Variants in RPIA observed in about 807,000 individuals in gnomAD.
RPIA encodes ribose-5-phosphate isomerase.
Under a neutral mutation model 37.8 loss-of-function variants are expected in RPIA, and 29 were observed. The ratio of observed to expected loss-of-function variants is 0.77; its 90% CI spans 0.57 to 1.05. RPIA has a LOEUF of 1.05. Among genes scored for constraint, RPIA ranks in the 50% least tolerant of loss-of-function variants. The pLI, the probability that RPIA is intolerant of heterozygous loss-of-function variation, is 0.00. For synonymous variants in RPIA, 167 were observed against 157.0 expected (o/e 1.06, Z -0.48); for missense variants, 385 against 413.6 (o/e 0.93, Z 0.60).
Position 88,750,014 on chromosome 2 carries a change from C to T in RPIA, c.872C>T (p.Ala291Val). 6.2e-7 allele frequency: 1 copy of T among 1,613,312 alleles called. No homozygotes were observed. Among genetic ancestry groups the T allele is most frequent in the Non-Finnish European group, 8.5e-7 (1 of 1,179,448 alleles). Residue 291 changes from alanine (A) to valine (V), a missense_variant, in exon 9 of 9, where the codon GCT becomes GTT. Around this residue, in one of 2 missense-constraint regions of RPIA, gnomAD observed 153 missense variants for 210.6 expected, o/e 0.73. Coordinates refer to ENST00000283646, the MANE Select transcript of RPIA (RefSeq NM_144563.3). ...GACACAGGCCTATTCATCAACATGG[C>T]TGAGAGAGTCTACTTTGGGATGCAG... ...VVDTGLFINMAERVYFGMQDG... is the reference protein window; with the variant it reads ...VVDTGLFINMVERVYFGMQDG...
rs1259822146 is a variant in RPIA at position 88,750,697 on chromosome 2, A to G, written c.*619A>G. 1 of 399,292 alleles carries G rather than the reference A, an allele frequency of 2.5e-6. No homozygotes were observed. The highest frequency in any genetic ancestry group is 2.1e-5 in the African/African-American group (1 of 48,616). The allele number at this position is 399,292 out of a possible 1,614,324, so 24.7% of individuals were successfully genotyped here. Reference sequence around the variant, plus strand: ...AAAATGTTGTTACACTTTTGCTAAGATCTGGGGGTTTCTTCATATTCCTGC... The same window carrying G: ...AAAATGTTGTTACACTTTTGCTAAGGTCTGGGGGTTTCTTCATATTCCTGC... On this transcript the variant is annotated 3_prime_UTR_variant, in exon 9 of 9. Transcript: ENST00000283646.
rs373108741 is a variant in RPIA, at chr2:88,710,390, G to A, written c.402+10326G>A. Among the ~76,000 whole-genome samples the A allele has an allele frequency of 2.6e-5, 4 of 152,310 alleles. No homozygotes were observed. In the East Asian group the frequency reaches 7.7e-4, roughly 29 times the overall value. Reference sequence around the variant, plus strand: ...AGAATAAGAGGGTTCTGAAGGAGCAGTTGGAGGGGAGGAGGTGAGACAGTG... The same window carrying A: ...AGAATAAGAGGGTTCTGAAGGAGCAATTGGAGGGGAGGAGGTGAGACAGTG... On this transcript the variant is annotated intron_variant, in intron 3 of 8. Coordinates refer to ENST00000283646, the MANE Select transcript of RPIA (RefSeq NM_144563.3).
Position 88,750,831 on chromosome 2 carries a change from A to G in RPIA, c.*753A>G. ...TAATGATTTTCTTTTTGTTATTAAT[A>G]TTTTTCTCTGTTCCTTTGTTATTAC... On this transcript the variant is annotated 3_prime_UTR_variant, in exon 9 of 9. Transcript: ENST00000283646. The G allele has an allele frequency of 2.5e-6, 1 of 398,114 alleles. No individual in the cohort carries two copies. The highest frequency in any genetic ancestry group is 4.4e-6 in the Non-Finnish European group (1 of 225,884). 24.7% of individuals were successfully genotyped at this position (398,114 alleles called of 1,614,324 possible).
intron 7 of RPIA, among the ~76,000 whole-genome samples, chr2:88,737,198 T>C (rs1673325290): frequency 6.6e-6 from 1 of 152,208 alleles, no homozygotes; most frequent in East Asian, 1.9e-4. Flanking sequence ...GCTTCTAAAG[T>C]GGATTGCGCA....
In RPIA at chr2:88,700,731, A is replaced by T. The variant is rs531894316; in HGVS notation, c.402+667A>T. On this transcript the variant is annotated intron_variant, in intron 3 of 8. Transcript: ENST00000283646. The stretch of plus-strand genomic sequence containing the variant: ...GTACATCATAAAATAGTAGGAGCTG[A>T]TGGAGGAAAGCAGTGGAGCCAGTTA... Among the ~76,000 whole-genome samples, 5 of 152,312 alleles carry T rather than the reference A, an allele frequency of 3.3e-5. No individual in the cohort carries two copies. The East Asian group carries it at 9.7e-4, about 29-fold the overall frequency.
At chr2:88,692,803 C>T (rs557136929) in intron 1 of RPIA, among the ~76,000 whole-genome samples, 1 of 152,286 alleles carries the variant, frequency 6.6e-6, no homozygotes, top group East Asian at 1.9e-4. Context: ...ATTAGAGTCT[C>T]TTTTCTTCTC....
At chr2:88,717,833 A>G (rs1673055181) in intron 3 of RPIA, among the ~76,000 whole-genome samples, 1 of 152,180 alleles carries the variant, frequency 6.6e-6, no homozygotes, top group Non-Finnish European at 1.5e-5. Context: ...GTGAAGTCTC[A>G]TGTCCTGTGA....
At chr2:88,707,937 C>G (rs984015765) in intron 3 of RPIA, among the ~76,000 whole-genome samples, 1 of 152,100 alleles carries the variant, frequency 6.6e-6, no homozygotes, top group African/African-American at 2.4e-5. Flanking sequence ...CATGGGCTAT[C>G]GGAACATTGG....
intron 8 of RPIA, among the ~76,000 whole-genome samples, chr2:88,748,195 C>T (rs902481810): frequency 1.3e-5 from 2 of 152,196 alleles, no homozygotes; most frequent in African/African-American, 2.4e-5. Flanking sequence ...CCGCCCCACC[C>T]CTTTTTACAC....
At chr2:88,709,275 A>G (rs1672934559) in intron 3 of RPIA, among the ~76,000 whole-genome samples, 1 of 152,152 alleles carries the variant, frequency 6.6e-6, no homozygotes, top group Non-Finnish European at 1.5e-5. Flanking sequence ...GTGTGCTATG[A>G]CTCTTCTGCA....
At chr2:88,743,932 CTATCGATTT>C (rs1673411073) in intron 8 of RPIA, among the ~76,000 whole-genome samples, 1 of 152,030 alleles carries the variant, frequency 6.6e-6, no homozygotes, top group Non-Finnish European at 1.5e-5. Context: ...CACTAATGGT[CTATCGATTT>C]TATCTTTTCA....
chr2:88,691,978 G>T lies in RPIA; in HGVS notation c.280G>T (p.Val94Leu), dbSNP rs775688063. The T allele has an allele frequency of 2.5e-5, 39 of 1,586,928 alleles. No individual in the cohort carries two copies. The South Asian group carries it at 4.4e-4, about 18-fold the overall frequency. The change falls in exon 1 of 9, where the codon GTG becomes TTG. Residue 94 changes from valine (V) to leucine (L), a missense_variant. Around this residue, in one of 2 missense-constraint regions of RPIA, gnomAD observed 232 missense variants for 203.0 expected, o/e 1.14. Coordinates refer to ENST00000283646, the MANE Select transcript of RPIA (RefSeq NM_144563.3). ...LAGRAAVENH[V>L]RNNQVLGIGS... Reference sequence around the variant, plus strand: ...GGGCCGCGCGGCTGTGGAGAACCACGTGAGGGTGAGCACTTCGAAACGTGG... The same window carrying T: ...GGGCCGCGCGGCTGTGGAGAACCACTTGAGGGTGAGCACTTCGAAACGTGG...
At chr2:88,697,928 A>C (rs1006755846) in intron 1 of RPIA, among the ~76,000 whole-genome samples, 3 of 152,106 alleles carry the variant, frequency 2.0e-5, no homozygotes, top group African/African-American at 7.2e-5. Flanking sequence ...ACCAACTTGA[A>C]GGTGCCTATG....
chr2:88,728,302 G>C (rs1168876479), intron 3 of RPIA, among the ~76,000 whole-genome samples: 1 of 152,104 alleles, frequency 6.6e-6, no homozygotes, highest in Non-Finnish European at 1.5e-5. Flanking sequence ...TTTAGCCTTA[G>C]AGTCTTACGA....
rs376943314 is a variant in RPIA, at chr2:88,736,625, G to A, written c.687G>A (p.Val229=). 6.2e-7 allele frequency: 1 copy of A among 1,614,058 alleles called. No individual in the cohort carries two copies. Among genetic ancestry groups the A allele is most frequent in the Non-Finnish European group, 8.5e-7 (1 of 1,179,958 alleles). ...PMAYVPVSRA[V]SQKFGGVVEL... is the part of the protein sequence containing the mutation. ...CCTATGTCCCAGTGAGCCGAGCTGT[G>A]AGCCAGAAGTTTGGGGGCGTGGTTG... The change falls in exon 7 of 9, where the codon GTG becomes GTA. Residue 229 remains valine (V), a synonymous_variant. Coordinates refer to ENST00000283646, the MANE Select transcript of RPIA (RefSeq NM_144563.3).
chr2:88,709,155 A>C (rs951884228), intron 3 of RPIA, among the ~76,000 whole-genome samples: 1 of 152,244 alleles, frequency 6.6e-6, no homozygotes, highest in African/African-American at 2.4e-5. Context: ...GCCAGATTTT[A>C]CAAATTGAGT....
chr2:88,695,387 T>C (rs938668769), intron 1 of RPIA, among the ~76,000 whole-genome samples: 1 of 152,178 alleles, frequency 6.6e-6, no homozygotes, highest in African/African-American at 2.4e-5. Flanking sequence ...TGAAATTGAA[T>C]TGGAGGATAC....
chr2:88,736,826 G>T (rs1673321443), intron 7 of RPIA, 150 bp downstream of exon 7: 1 of 1,021,458 alleles, frequency 9.8e-7, no homozygotes, highest in Non-Finnish European at 1.4e-6. Context: ...TATTTTCGGA[G>T]AATTGGCCTG....
chr2:88,748,077 T>A (rs1486206956), intron 8 of RPIA, among the ~76,000 whole-genome samples: 1 of 152,242 alleles, frequency 6.6e-6, no homozygotes, highest in African/African-American at 2.4e-5. Context: ...CAAGTCCTCT[T>A]TGCCACTTTT....
Sources: gnomAD v4.1 joint callset for allele counts (sites outside exome capture counted in the v4.1 genomes callset) on GRCh38, gnomAD v4.1.1 for gene constraint, gnomAD v4.1.1 regional missense constraint, MANE v1.5 for transcripts, NCBI Gene and HGNC (gene_info 2026-07-23, HGNC 2026-07-21) for gene names.